The following CDK10 variants were observed in gnomAD, a reference collection of about 807,000 sequenced individuals.
CDK10 encodes the protein cyclin-dependent kinase 10.
A neutral mutation model predicts 51.0 loss-of-function variants in CDK10; 55 were observed. The ratio of observed to expected loss-of-function variants is 1.08; its 90% CI spans 0.87 to 1.35. The LOEUF (loss-of-function observed/expected upper bound fraction) is 1.35. Among genes scored for constraint, CDK10 ranks in the 40% most tolerant of loss-of-function variants. The probability of loss-of-function intolerance (pLI) is 0.00; values close to 1 mark genes in which losing one functional copy is unlikely to be tolerated. For missense variants in CDK10, 589 were observed against 485.1 expected, an observed-to-expected ratio of 1.21 and a Z score of -2.01; for synonymous variants, 255 against 199.1, an observed-to-expected ratio of 1.28 and a Z score of -2.36.
Position 89,686,794 on chromosome 16 carries a change from CAG to C in CDK10, c.85_86del (p.Arg29AlafsTer11). ...GCTTCTTCACGGTGCCTCCGGAACACAGGGTGCGCGGGGTGCCACCCGGGCAG... is the reference window on the plus strand; with the variant it reads ...GCTTCTTCACGGTGCCTCCGGAACACGGTGCGCGGGGTGCCACCCGGGCAG... ...EGFFTVPPEH[R>X]LGRCRSVKEF... On this transcript the variant is annotated frameshift_variant and splice_region_variant, in exon 1 of 13. Coordinates refer to ENST00000353379, the MANE Select transcript of CDK10 (RefSeq NM_052988.5). LOFTEE classifies it high-confidence loss of function. 2 of 1,610,398 alleles carry C rather than the reference CAG, an allele frequency of 1.2e-6. No individual in the cohort carries two copies. Among genetic ancestry groups the C allele is most frequent in the South Asian group, 2.2e-5 (2 of 90,730 alleles).
intron 2 of CDK10, 43 bp downstream of exon 2, chr16:89,689,367 G>C (rs2060340204): frequency 1.3e-6 from 2 of 1,562,550 alleles, no homozygotes; most frequent in Non-Finnish European, 1.8e-6. Flanking sequence ...GCTCGTGGCT[G>C]TGACAGTGTG....
At chr16:89,692,936 G>C (rs942909173) in intron 6 of CDK10, among the ~76,000 whole-genome samples, 1 of 152,056 alleles carries the variant, frequency 6.6e-6, no homozygotes, top group Admixed American at 6.5e-5. Flanking sequence ...AGGAGATCGA[G>C]ACCATCCTTG....
In CDK10 at chr16:89,695,671, G is replaced by A. The variant is rs771370520; in HGVS notation, c.1062G>A (p.Gln354=). 27 of 1,600,958 alleles carry A rather than the reference G, an allele frequency of 1.7e-5. No individual in the cohort carries two copies. The highest frequency in any genetic ancestry group is 2.2e-5 in the South Asian group (2 of 89,154). Residue 354 remains glutamine (Q), a synonymous_variant, in exon 13 of 13, where the codon CAG becomes CAA. Transcript: ENST00000353379. ...CCGCCCCAGCCACCTCCGAGGGCCA[G>A]AGCAAGCGCTGTAAACCCTGACGGT... The part of the protein sequence containing the change: ...KRAAPATSEG[Q]SKRCKP
rs2060450815 is a variant in CDK10, at chr16:89,691,564, T to C, written c.335+19T>C. On this transcript the variant is annotated intron_variant, in intron 4 of 12. Transcript: ENST00000353379. The stretch of plus-strand genomic sequence containing the variant: ...TGGAGAGGTACGTGGTCTCCTGGTC[T>C]GCACATTGGGCCCTAGGGAGCATGT... The C allele has an allele frequency of 2.5e-6, 4 of 1,588,806 alleles. No homozygotes were observed. The highest frequency in any genetic ancestry group is 3.5e-6 in the Non-Finnish European group (4 of 1,158,428).
At chr16:89,692,214 G>A (rs978126973) in intron 5 of CDK10, 1 of 544,718 alleles carries the variant, frequency 1.8e-6, no homozygotes, top group African/African-American at 2.0e-5. Flanking sequence ...GCCTTCTGAG[G>A]GCACTGGTTT....
intron 2 of CDK10, 94 bp downstream of exon 2, chr16:89,689,418 G>C: frequency 9.5e-7 from 1 of 1,051,902 alleles, no homozygotes; most frequent in Non-Finnish European, 1.5e-6. Flanking sequence ...GGGGCTGGAA[G>C]GGACTCAGAC....
At chr16:89,686,882 C>T (rs905360857) in intron 1 of CDK10, 85 bp downstream of exon 1, 42 of 1,190,810 alleles carry the variant, frequency 3.5e-5, no homozygotes, top group Non-Finnish European at 4.6e-5. Flanking sequence ...TGTCGCGCTG[C>T]CGCGCCGAGG....
At chr16:89,690,812 C>T (rs1192360808) in intron 3 of CDK10, among the ~76,000 whole-genome samples, 188 bp downstream of exon 3, 1 of 152,142 alleles carries the variant, frequency 6.6e-6, no homozygotes, top group East Asian at 1.9e-4. Context: ...CAGGAGGGCT[C>T]TGCAGTCTCC....
rs2151601653 is a variant in CDK10 at position 89,695,338 on chromosome 16, GC to G, written c.982del (p.Leu328TyrfsTer54). 3 of 1,612,436 alleles carry G rather than the reference GC, an allele frequency of 1.9e-6. No individual in the cohort carries two copies. The East Asian group carries it at 6.7e-5, about 36-fold the overall frequency. On this transcript the variant is annotated frameshift_variant, in exon 12 of 13. Transcript: ENST00000353379. LOFTEE classifies it high-confidence loss of function. ...TGGAGAGCTCCTATTTCAAGGAGAA[GC>G]CCCTACGTGAGTGTGCAGGGTTCCT... ...CLESSYFKEK[P>X]LPCEPELMPT...
intron 6 of CDK10, 76 bp from the exon 7 acceptor site, chr16:89,693,197 CG>C: frequency 7.9e-7 from 1 of 1,272,032 alleles, no homozygotes; most frequent in Non-Finnish European, 1.1e-6. Flanking sequence ...AGGAAGTCTA[CG>C]GGCATTGGTG....
chr16:89,689,634 A>G, intron 2 of CDK10: 1 of 332,858 alleles, frequency 3.0e-6, no homozygotes, highest in Non-Finnish European at 5.7e-6. Context: ...CATGGTGCTC[A>G]TGTCTATCAC....
At chr16:89,691,616 G>A (rs1195262900) in intron 4 of CDK10, 71 bp downstream of exon 4, 3 of 1,373,498 alleles carry the variant, frequency 2.2e-6, no homozygotes, top group Non-Finnish European at 3.1e-6. Context: ...GTTGCACAGA[G>A]CGAGGACTGA....
intron 10 of CDK10, 58 bp downstream of exon 10, chr16:89,694,846 A>C: frequency 6.7e-7 from 1 of 1,490,436 alleles, no homozygotes. Context: ...CTGCGCCCGC[A>C]GCCCCCGCCC....
Position 89,695,304 on chromosome 16 carries a change from G to A in CDK10, c.944G>A (p.Gly315Glu). The A allele has an allele frequency of 1.2e-6, 2 of 1,611,560 alleles. No homozygotes were observed. Among genetic ancestry groups the A allele is most frequent in the Non-Finnish European group, 1.7e-6 (2 of 1,178,596 alleles). ...GCTGCCTCCTCCAGGGCGACGGCCG[G>A]GGACTGCCTGGAGAGCTCCTATTTC... ...MYDPKKRATA[G>E]DCLESSYFKE... Residue 315 changes from glycine to glutamate, a missense_variant, in exon 12 of 13, where the codon GGG becomes GAG. Physicochemically the swap from Gly to Glu is moderately conservative, Grantham distance 98. Coordinates refer to ENST00000353379, the MANE Select transcript of CDK10 (RefSeq NM_052988.5).
intron 12 of CDK10, 72 bp from the exon 13 acceptor site, chr16:89,695,523 G>T: frequency 6.5e-7 from 1 of 1,537,268 alleles, no homozygotes; most frequent in Non-Finnish European, 8.8e-7. Flanking sequence ...AGGCAGAGCT[G>T]GACTCAGACC....
chr16:89,691,358 T>C, intron 3 of CDK10, 85 bp from the exon 4 acceptor site: 2 of 917,228 alleles, frequency 2.2e-6, no homozygotes, highest in Non-Finnish European at 1.7e-6. Context: ...TGCTATCAGG[T>C]GTTCGTGAAG....
intron 6 of CDK10, among the ~76,000 whole-genome samples, chr16:89,692,965 A>G (rs1054832128): frequency 1.3e-5 from 2 of 151,472 alleles, no homozygotes; most frequent in South Asian, 2.1e-4. Flanking sequence ...GTGAAACCCC[A>G]TCTCTACTAA....
Position 89,689,240 on chromosome 16 carries a change from C to G in CDK10, c.88-12C>G, listed in dbSNP as rs968693553. The G allele has an allele frequency of 3.0e-5, 48 of 1,613,800 alleles. No homozygotes were observed. Among genetic ancestry groups the G allele is most frequent in the Non-Finnish European group, 4.0e-5 (47 of 1,179,812 alleles). ...GCCAAATTTCCACACTGGCAACACC[C>G]TTCTGTTTCAGCTGGGACGATGCCG... is the stretch of plus-strand genomic sequence containing the variant. On this transcript the variant is annotated splice_polypyrimidine_tract_variant and intron_variant, in intron 1 of 12. Transcript: ENST00000353379.
chr16:89,687,518 A>G (rs546324833), intron 1 of CDK10: 13 of 456,192 alleles, frequency 2.8e-5, no homozygotes, highest in South Asian at 9.3e-5. Flanking sequence ...CACCGCGTTG[A>G]GAGCCGTGTG....
Sources: allele counts gnomAD v4.1 joint callset (sites outside exome capture counted in the v4.1 genomes callset), GRCh38; gene constraint gnomAD v4.1.1; transcripts MANE v1.5; gene names NCBI Gene and HGNC (gene_info 2026-07-23, HGNC 2026-07-21).